DCC: variants seen among roughly 807,000 people sequenced by gnomAD.
DCC encodes netrin receptor DCC.
DCC carries 58 observed loss-of-function variants against 172.5 expected under a neutral mutation model. The observed-to-expected ratio is 0.34, with a 90% CI of 0.27 to 0.42. DCC has a LOEUF of 0.42. DCC is among the 10% of genes least tolerant of loss of function. The pLI is 1.00. For synonymous variants in DCC, 709 were observed against 644.5 expected, an observed-to-expected ratio of 1.10 and a Z score of -1.52; for missense variants, 1,740 against 1,791.0, an observed-to-expected ratio of 0.97 and a Z score of 0.51.
In DCC at chr18:52,340,819, C is replaced by T; in HGVS notation, c.32C>T (p.Pro11Leu). The change falls in exon 1 of 29, where the codon CCC becomes CTC. Residue 11 changes from proline (P) to leucine (L), a missense_variant. Physicochemically the swap from Pro to Leu is moderately conservative, Grantham distance 98. Transcript: ENST00000442544. ...AATAGTCTTAGATGTGTTTGGGTAC[C>T]CAAGCTGGCTTTTGTACTCTTCGGA... is the stretch of plus-strand genomic sequence containing the variant. MENSLRCVWV[P>L]KLAFVLFGAS... The T allele has an allele frequency of 6.2e-7, 1 of 1,614,108 alleles. No homozygotes were observed. Among genetic ancestry groups the T allele is most frequent in the Non-Finnish European group, 8.5e-7 (1 of 1,180,010 alleles).
At chr18:52,917,022 C>G (rs186736109) in intron 3 of DCC, among the ~76,000 whole-genome samples, 1 of 149,714 alleles carries the variant, frequency 6.7e-6, no homozygotes, top group Non-Finnish European at 1.5e-5. Flanking sequence ...GTGGCTCATG[C>G]CCATAATCCC....
At chr18:52,648,491 G>A (rs1441584616) in intron 1 of DCC, among the ~76,000 whole-genome samples, 1 of 152,212 alleles carries the variant, frequency 6.6e-6, no homozygotes, top group African/African-American at 2.4e-5. Context: ...GAAAGCACAT[G>A]TAAATATCAT....
At chr18:52,972,419 C>G (rs11876062) in intron 5 of DCC, among the ~76,000 whole-genome samples, 1 of 151,978 alleles carries the variant, frequency 6.6e-6, no homozygotes, top group Non-Finnish European at 1.5e-5. Context: ...CAGATAAGCT[C>G]CACAGCCTCC....
chr18:52,571,799 G>A (rs913310183), intron 1 of DCC, among the ~76,000 whole-genome samples: 13 of 152,186 alleles, frequency 8.5e-5, no homozygotes, highest in African/African-American at 2.4e-4. Flanking sequence ...AAACTGGTTC[G>A]GTTCTGGTCT....
chr18:52,902,918 C>CTT (rs1414764705), intron 2 of DCC, among the ~76,000 whole-genome samples: 15 of 152,132 alleles, frequency 9.9e-5, no homozygotes. Context: ...GCATTGTTAA[C>CTT]TTTTAAACAG....
chr18:52,520,805 G>T (rs1423165883), intron 1 of DCC, among the ~76,000 whole-genome samples: 1 of 151,826 alleles, frequency 6.6e-6, no homozygotes, highest in Non-Finnish European at 1.5e-5. Flanking sequence ...TTATAACATT[G>T]GTTAAAAGTG....
intron 1 of DCC, among the ~76,000 whole-genome samples, chr18:52,430,798 G>A (rs921816527): frequency 2.6e-5 from 4 of 152,088 alleles, no homozygotes; most frequent in African/African-American, 9.7e-5. Context: ...TGAATTCAGG[G>A]ATGGAGAAAA....
chr18:52,549,691 C>T (rs1333074020), intron 1 of DCC, among the ~76,000 whole-genome samples: 2 of 152,064 alleles, frequency 1.3e-5, no homozygotes, highest in Non-Finnish European at 2.9e-5. Context: ...CCTATTTTAT[C>T]AAGCAGCCTT....
chr18:53,469,866 G>A (rs979152769), intron 25 of DCC, among the ~76,000 whole-genome samples: 1 of 152,040 alleles, frequency 6.6e-6, no homozygotes, highest in Non-Finnish European at 1.5e-5. Context: ...CTGAATCCAT[G>A]ATTGCCAAGG....
chr18:52,908,589 A>G (rs1309925998), intron 3 of DCC, among the ~76,000 whole-genome samples: 2 of 144,902 alleles, frequency 1.4e-5, no homozygotes, highest in Non-Finnish European at 3.1e-5. Context: ...GAACTAATGA[A>G]ATATTAAATT....
intron 1 of DCC, among the ~76,000 whole-genome samples, chr18:52,431,218 T>C (rs1307220335): frequency 6.6e-6 from 1 of 151,984 alleles, no homozygotes; most frequent in African/African-American, 2.4e-5. Context: ...CTTTTACAAG[T>C]CCTCTAGGTG....
At chr18:52,622,172 C>A (rs140695889) in intron 1 of DCC, among the ~76,000 whole-genome samples, 1 of 152,198 alleles carries the variant, frequency 6.6e-6, no homozygotes, top group African/African-American at 2.4e-5. Context: ...TTAATTTCTG[C>A]CACCATTCTG....
intron 5 of DCC, among the ~76,000 whole-genome samples, chr18:52,998,709 A>G (rs536340555): frequency 1.3e-5 from 2 of 152,200 alleles, no homozygotes; most frequent in South Asian, 2.1e-4. Flanking sequence ...ACTGTCAACA[A>G]TGATCCTTGC....
chr18:52,883,835 T>C (rs2039530897), intron 2 of DCC, among the ~76,000 whole-genome samples: 2 of 152,012 alleles, frequency 1.3e-5, no homozygotes, highest in African/African-American at 4.8e-5. Context: ...CTTATTAACA[T>C]CTTTTTCTTT....
At chr18:53,059,189 A>G (rs960107766) in intron 5 of DCC, among the ~76,000 whole-genome samples, 1 of 152,158 alleles carries the variant, frequency 6.6e-6, no homozygotes, top group Non-Finnish European at 1.5e-5. Flanking sequence ...AACTGTCTCC[A>G]TGATTAAATT....
At chr18:52,971,370 A>G (rs1015492865) in intron 5 of DCC, among the ~76,000 whole-genome samples, 1 of 152,190 alleles carries the variant, frequency 6.6e-6, no homozygotes, top group African/African-American at 2.4e-5. Context: ...CAATGGATGT[A>G]TAATTCCCTA....
At chr18:52,363,732 T>C (rs1454475334) in intron 1 of DCC, among the ~76,000 whole-genome samples, 2 of 152,212 alleles carry the variant, frequency 1.3e-5, no homozygotes, top group African/African-American at 4.8e-5. Flanking sequence ...TGCTGAAATA[T>C]TAGCATACTT....
At chr18:52,872,827 T>C (rs1249091805) in intron 2 of DCC, among the ~76,000 whole-genome samples, 1 of 152,196 alleles carries the variant, frequency 6.6e-6, no homozygotes, top group Non-Finnish European at 1.5e-5. Flanking sequence ...TGATCACTTG[T>C]AAGAGCTCAG....
intron 2 of DCC, among the ~76,000 whole-genome samples, chr18:52,851,018 G>A (rs2038967841): frequency 6.6e-6 from 1 of 151,476 alleles, no homozygotes; most frequent in Non-Finnish European, 1.5e-5. Context: ...CAATTAAACG[G>A]TATTTGTATT....
Sources: allele counts gnomAD v4.1 joint callset (sites outside exome capture counted in the v4.1 genomes callset), GRCh38; gene constraint gnomAD v4.1.1; transcripts MANE v1.5; gene names NCBI Gene and HGNC (gene_info 2026-07-23, HGNC 2026-07-21).